The following LPIN2 variants were observed in gnomAD, a reference collection of about 807,000 sequenced individuals.
The protein encoded by LPIN2 is lipin 2, also known as phosphatidate phosphatase LPIN2.
LPIN2 carries 55 observed loss-of-function variants against 111.4 expected under a neutral mutation model. The observed-to-expected ratio is 0.49, with a 90% CI of 0.40 to 0.62. LPIN2 has a LOEUF of 0.62. LPIN2 is among the 20% of genes least tolerant of loss of function. The pLI, the probability that LPIN2 is intolerant of heterozygous loss-of-function variation, is 0.00. For synonymous variants in LPIN2, 425 were observed against 414.0 expected (o/e 1.03, Z -0.32); for missense variants, 992 against 1,112.1 (o/e 0.89, Z 1.54).
intron 1 of LPIN2, among the ~76,000 whole-genome samples, chr18:3,000,585 C>A (rs1055113184): frequency 6.6e-5 from 10 of 152,218 alleles, no homozygotes; most frequent in Admixed American, 4.6e-4. Flanking sequence ...GCACGTAGTG[C>A]CAGCTACTTC....
At chr18:2,958,152 AAAAAACAAC>A (rs543428553) in intron 2 of LPIN2, among the ~76,000 whole-genome samples, 2,339 of 116,204 alleles carry the variant, frequency 0.02, 444 homozygotes, top group African/African-American at 0.04. Context: ...AAAAAAAAAA[AAAAAACAAC>A]AAAAAAAAAA....
chr18:2,953,855 T>TA (rs1178511170), intron 3 of LPIN2, among the ~76,000 whole-genome samples: 2 of 152,240 alleles, frequency 1.3e-5, no homozygotes, highest in Admixed American at 1.3e-4. Context: ...AATAAATAAA[T>TA]AAAAAGATCC....
chr18:3,002,911 C>T (rs957603758), intron 1 of LPIN2, among the ~76,000 whole-genome samples: 3 of 152,238 alleles, frequency 2.0e-5, no homozygotes, highest in Non-Finnish European at 4.4e-5. Context: ...CTCTATGACA[C>T]TATCAGCTAC....
chr18:2,985,749 C>T (rs979848867), intron 1 of LPIN2, among the ~76,000 whole-genome samples: 1 of 152,072 alleles, frequency 6.6e-6, no homozygotes, highest in Non-Finnish European at 1.5e-5. Context: ...TAAGCTGGTT[C>T]AACAGAAATA....
intron 1 of LPIN2, among the ~76,000 whole-genome samples, chr18:2,982,183 A>G (rs1006056218): frequency 6.6e-6 from 1 of 152,234 alleles, no homozygotes; most frequent in East Asian, 1.9e-4. Flanking sequence ...TTATGATCAC[A>G]GAAGAAAGCA....
At chr18:2,955,313 G>T (rs2077592918) in intron 2 of LPIN2, among the ~76,000 whole-genome samples, 1 of 152,118 alleles carries the variant, frequency 6.6e-6, no homozygotes, top group South Asian at 2.1e-4. Context: ...GGAGGACTCA[G>T]GAAACCTTTA....
At chr18:2,958,158 C>CAAA (rs1555678271) in intron 2 of LPIN2, among the ~76,000 whole-genome samples, 21 of 35,358 alleles carry the variant, frequency 5.9e-4, no homozygotes, top group South Asian at 2.1e-3. Flanking sequence ...AAAAAAAAAA[C>CAAA]AACAAAAAAA....
At chr18:2,960,876 T>C (rs1426430584) in intron 1 of LPIN2, 27 bp from the exon 2 acceptor site, 2 of 1,569,300 alleles carry the variant, frequency 1.3e-6, no homozygotes, top group Admixed American at 1.8e-5. Context: ...TTAGATGAGA[T>C]GTTAACACTA....
chr18:2,931,345 G>A lies in LPIN2; in HGVS notation c.1367C>T (p.Thr456Ile), dbSNP rs368807055. The A allele has an allele frequency of 6.8e-6, 11 of 1,614,024 alleles. No individual in the cohort carries two copies. Among genetic ancestry groups the A allele is most frequent in the Non-Finnish European group, 9.3e-6 (11 of 1,180,028 alleles). Residue 456 changes from threonine to isoleucine, a missense_variant, in exon 9 of 20, where the codon ACC (threonine) becomes ATC (isoleucine). By Grantham distance (89) the Thr-to-Ile change is moderately conservative. Transcript: ENST00000677752. The stretch of plus-strand genomic sequence containing the variant: ...CATGGCAGAATCTGAGAGGCACTCG[G>A]TGCCGCTATCTGCAGCTGCGCTTCC... ...SVGSAAADSGTECLSDSAMDL... is the reference protein window; with the variant it reads ...SVGSAAADSGIECLSDSAMDL...
intron 1 of LPIN2, among the ~76,000 whole-genome samples, chr18:3,008,552 A>G (rs1174337291): frequency 6.6e-6 from 1 of 152,264 alleles, no homozygotes; most frequent in Non-Finnish European, 1.5e-5. Context: ...GTTACTTTGT[A>G]CCATATATTT....
At chr18:2,947,002 A>G (rs2077463225) in intron 4 of LPIN2, 1 of 201,786 alleles carries the variant, frequency 5.0e-6, no homozygotes, top group Non-Finnish European at 1.0e-5. Context: ...GAGTGTCTAC[A>G]CTCACCCCAG....
intron 1 of LPIN2, among the ~76,000 whole-genome samples, chr18:2,983,104 A>C (rs973275941): frequency 6.6e-6 from 1 of 152,206 alleles, no homozygotes; most frequent in African/African-American, 2.4e-5. Flanking sequence ...TGAGTTAATG[A>C]TTCTCTAAAC....
At position 2,924,853 on chromosome 18, in the gene LPIN2, A is replaced by G. The variant is rs570774202; in HGVS notation, c.1939-307T>C. Among the ~76,000 whole-genome samples, 18 of 152,366 alleles carry G rather than the reference A, an allele frequency of 1.2e-4. No homozygotes were observed. The South Asian group carries it at 3.3e-3, about 28-fold the overall frequency. On this transcript the variant is annotated intron_variant, in intron 14 of 19. Coordinates refer to ENST00000677752, the MANE Select transcript of LPIN2 (RefSeq NM_001375808.2). ...GCTCTGGTCCCAGCAAGACCTTTTC[A>G]TACCGAAAATGGGTCAAAGGCAGGG...
chr18:3,003,696 G>A (rs763033885), intron 1 of LPIN2, among the ~76,000 whole-genome samples: 6 of 152,024 alleles, frequency 3.9e-5, no homozygotes, highest in Non-Finnish European at 8.8e-5. Context: ...GAGAATGTAC[G>A]TCACCTCAGG....
At position 3,002,856 on chromosome 18, in the gene LPIN2, G is replaced by C. The variant is rs193128193; in HGVS notation, c.-10+10231C>G. ...CCCTTCTAAGTCCCTCCCTGTCCCT[G>C]ATTCATAAAACCCTGCTTTACGCAG... On this transcript the variant is annotated intron_variant, in intron 1 of 19. Transcript: ENST00000677752. Among the ~76,000 whole-genome samples, 1,252 of 149,724 alleles carry C rather than the reference G, an allele frequency of 8.4e-3. 23 individuals are homozygous for C. Among genetic ancestry groups the C allele is most frequent in the African/African-American group, 0.028 (1,163 of 41,420 alleles).
intron 3 of LPIN2, among the ~76,000 whole-genome samples, chr18:2,953,031 G>C (rs569522652): frequency 3.6e-4 from 55 of 152,288 alleles, no homozygotes; most frequent in African/African-American, 1.3e-3. Context: ...AGGAACAGAG[G>C]CATGTTGTAT....
intron 2 of LPIN2, 81 bp downstream of exon 2, chr18:2,960,568 G>T: frequency 2.2e-6 from 3 of 1,374,086 alleles, no homozygotes; most frequent in Non-Finnish European, 3.1e-6. Flanking sequence ...CATAGAGGAT[G>T]ACTTTTCTAC....
In LPIN2 at chr18:2,968,519, C is replaced by T. The variant is rs149391689; in HGVS notation, c.-9-7670G>A. On this transcript the variant is annotated intron_variant, in intron 1 of 19. Transcript: ENST00000677752. ...TATAACAAATACTGTCTTATATAAT[C>T]CCTTATGATAATGCTATTTGGGAGA... Among the ~76,000 whole-genome samples the T allele has an allele frequency of 4.8e-3, 732 of 152,174 alleles. 4 individuals are homozygous for T. Among genetic ancestry groups the T allele is most frequent in the African/African-American group, 0.017 (685 of 41,504 alleles).
At chr18:2,973,404 T>C (rs1010525890) in intron 1 of LPIN2, among the ~76,000 whole-genome samples, 1 of 152,344 alleles carries the variant, frequency 6.6e-6, no homozygotes, top group African/African-American at 2.4e-5. Flanking sequence ...TCCCTAGTCT[T>C]GCCATCTCTG....
Sources: gnomAD v4.1 joint callset for allele counts (sites outside exome capture counted in the v4.1 genomes callset) on GRCh38, gnomAD v4.1.1 for gene constraint, MANE v1.5 for transcripts, NCBI Gene and HGNC (gene_info 2026-07-23, HGNC 2026-07-21) for gene names.